NBAS: variants seen among roughly 807,000 people sequenced by gnomAD.
NBAS encodes NBAS subunit of NRZ tethering complex, also known as NAG/BC035112 fusion.
In NBAS, 219 loss-of-function variants were observed where a neutral mutation model predicts 302.5. The observed-to-expected ratio is 0.72, with a 90% CI of 0.65 to 0.81. NBAS has a LOEUF of 0.81. NBAS is among the 30% of genes least tolerant of loss of function. NBAS has a pLI of 0.00. For synonymous variants in NBAS, 1,118 were observed against 1,021.6 expected, an observed-to-expected ratio of 1.09 and a Z score of -1.80; for missense variants, 2,932 against 2,841.6, an observed-to-expected ratio of 1.03 and a Z score of -0.72.
intron 28 of NBAS, among the ~76,000 whole-genome samples, chr2:15,389,247 T>G (rs1426118211): frequency 6.6e-6 from 1 of 152,208 alleles, no homozygotes; most frequent in Non-Finnish European, 1.5e-5. Flanking sequence ...GAAAACCAGC[T>G]TATGTAATAC....
the NBAS span, among the ~76,000 whole-genome samples, chr2:15,012,284 CA>C: frequency 2.0e-5 from 3 of 151,894 alleles, no homozygotes; most frequent in Non-Finnish European, 4.4e-5. Context: ...AAAATACAGT[CA>C]AGAGCTTCAA....
At chr2:15,353,760 C>G in intron 33 of NBAS, 50 bp from the exon 34 acceptor site, 1 of 1,611,692 alleles carries the variant, frequency 6.2e-7, no homozygotes, top group Non-Finnish European at 8.5e-7. Context: ...GAAGAATATT[C>G]AATCTAAGAT....
chr2:15,152,051 T>C, the NBAS span, among the ~76,000 whole-genome samples: 8 of 152,264 alleles, frequency 5.3e-5, no homozygotes, highest in East Asian at 1.2e-3. Flanking sequence ...GGTTTCACCA[T>C]GGTGGCCAGG....
At chr2:14,952,738 G>A in the NBAS span, among the ~76,000 whole-genome samples, 10 of 152,234 alleles carry the variant, frequency 6.6e-5, no homozygotes, top group Non-Finnish European at 1.0e-4. Flanking sequence ...GAAACACCCA[G>A]CACCCAGCAG....
At chr2:15,505,641 C>T (rs1479265009) in intron 10 of NBAS, among the ~76,000 whole-genome samples, 2 of 152,146 alleles carry the variant, frequency 1.3e-5, no homozygotes, top group Admixed American at 6.5e-5. Flanking sequence ...GTTAACCTAC[C>T]AATCTTGTAA....
intron 42 of NBAS, among the ~76,000 whole-genome samples, chr2:15,278,905 A>T (rs1669707221): frequency 6.6e-6 from 1 of 152,336 alleles, no homozygotes; most frequent in South Asian, 2.1e-4. Flanking sequence ...GAACAAAAGT[A>T]TCAAGAAAGC....
At chr2:15,265,915 C>A (rs1016532189) in intron 44 of NBAS, among the ~76,000 whole-genome samples, 1 of 152,198 alleles carries the variant, frequency 6.6e-6, no homozygotes, top group African/African-American at 2.4e-5. Context: ...TTTGTCCAAA[C>A]CATGCAAATT....
the NBAS span, among the ~76,000 whole-genome samples, chr2:14,787,674 T>C: frequency 6.6e-6 from 1 of 152,180 alleles, no homozygotes; most frequent in South Asian, 2.1e-4. Flanking sequence ...GCTTGTAGAG[T>C]TTCTGCCAAG....
chr2:15,309,328 A>G lies in NBAS; in HGVS notation c.4583-81T>C, dbSNP rs1671175492. 4.1e-6 allele frequency: 5 copies of G among 1,208,812 alleles called. No homozygotes were observed. The South Asian group carries it at 5.2e-5, about 13-fold the overall frequency. The allele number at this position is 1,208,812 out of a possible 1,614,324, so 74.9% of individuals were successfully genotyped here. A position where few individuals can be genotyped will look rare whatever the true frequency, so the allele number is the denominator to read the frequency against. ...TATTAAATGCCATGTTTTCAGCCCC[A>G]TAAGATTTCAACAAATAATTAGTGG... On this transcript the variant is annotated intron_variant, in intron 38 of 51. Transcript: ENST00000281513.
intron 25 of NBAS, among the ~76,000 whole-genome samples, chr2:15,408,222 T>A (rs1417526913): frequency 1.3e-5 from 2 of 152,170 alleles, no homozygotes; most frequent in Non-Finnish European, 2.9e-5. Context: ...TACTTCAGAA[T>A]AAAAATATAA....
chr2:15,018,373 G>A, the NBAS span, among the ~76,000 whole-genome samples: 5 of 152,026 alleles, frequency 3.3e-5, no homozygotes, highest in South Asian at 6.2e-4. Context: ...TACCTTATAT[G>A]TGTTGAAACA....
At chr2:14,998,980 C>T in the NBAS span, among the ~76,000 whole-genome samples, 3 of 152,196 alleles carry the variant, frequency 2.0e-5, no homozygotes, top group Admixed American at 1.3e-4. Context: ...ATACAATGCT[C>T]AGGCACTGAG....
intron 38 of NBAS, among the ~76,000 whole-genome samples, chr2:15,323,263 T>C (rs1011557622): frequency 1.3e-5 from 2 of 152,162 alleles, no homozygotes; most frequent in Non-Finnish European, 2.9e-5. Flanking sequence ...ACTTTCATCA[T>C]GGTGAGGAGA....
chr2:15,136,842 G>A, the NBAS span, among the ~76,000 whole-genome samples: 66 of 152,226 alleles, frequency 4.3e-4, no homozygotes, highest in South Asian at 1.2e-3. Context: ...AAAAGTGTGC[G>A]GCAGTTCCTC....
At chr2:15,353,483 T>C (rs558083375) in intron 34 of NBAS, 70 bp downstream of exon 34, 2 of 1,572,836 alleles carry the variant, frequency 1.3e-6, no homozygotes, top group African/African-American at 1.3e-5. Flanking sequence ...AGTGACCACA[T>C]ACCTCAGATA....
chr2:14,915,921 A>G, the NBAS span, among the ~76,000 whole-genome samples: 1 of 152,190 alleles, frequency 6.6e-6, no homozygotes, highest in Admixed American at 6.5e-5. Context: ...ACTGCCATCT[A>G]CATAAGATGT....
chr2:15,317,284 G>C (rs538151452), intron 38 of NBAS, among the ~76,000 whole-genome samples: 1 of 152,162 alleles, frequency 6.6e-6, no homozygotes, highest in Non-Finnish European at 1.5e-5. Flanking sequence ...AAACCACAAA[G>C]ATGGGGAGAA....
chr2:15,498,920 A>C (rs1681173078), intron 11 of NBAS, among the ~76,000 whole-genome samples: 1 of 138,780 alleles, frequency 7.2e-6, no homozygotes, highest in Non-Finnish European at 1.5e-5. Context: ...ACCCAGTCTC[A>C]GGGAGTTACT....
intron 21 of NBAS, among the ~76,000 whole-genome samples, chr2:15,448,261 A>G (rs889192475): frequency 1.3e-5 from 2 of 152,202 alleles, no homozygotes; most frequent in African/African-American, 2.4e-5. Flanking sequence ...AATATAATGT[A>G]TATTCCTATC....
Sources: gnomAD v4.1 joint callset for allele counts (sites outside exome capture counted in the v4.1 genomes callset) on GRCh38, gnomAD v4.1.1 for gene constraint, MANE v1.5 for transcripts, NCBI Gene and HGNC (gene_info 2026-07-23, HGNC 2026-07-21) for gene names.